ATE1: variants seen among roughly 807,000 people sequenced by gnomAD.
The protein encoded by ATE1 is arginyltransferase 1, also known as arginyl-tRNA--protein transferase 1.
ATE1 carries 36 observed loss-of-function variants against 70.5 expected under a neutral mutation model. The observed-to-expected ratio is 0.51, with a 90% CI of 0.39 to 0.67. The LOEUF (loss-of-function observed/expected upper bound fraction) is 0.67. Among genes scored for constraint, ATE1 ranks in the 30% least tolerant of loss-of-function variants. The pLI, the probability that ATE1 is intolerant of heterozygous loss-of-function variation, is 0.00. For missense variants in ATE1, 593 were observed against 629.5 expected (o/e 0.94, Z 0.62); for synonymous variants, 232 against 219.3 (o/e 1.06, Z -0.51).
chr10:121,785,242 T>A (rs1946157976), intron 11 of ATE1, among the ~76,000 whole-genome samples: 1 of 152,176 alleles, frequency 6.6e-6, no homozygotes, highest in South Asian at 2.1e-4. Context: ...GAATTCTGCA[T>A]CTAAAATAAT....
chr10:121,828,915 T>C (rs930843745), intron 10 of ATE1, among the ~76,000 whole-genome samples: 5 of 152,206 alleles, frequency 3.3e-5, no homozygotes. Flanking sequence ...GTGAAGAAAC[T>C]TACATGTACA....
rs150104028 is a variant in ATE1, at chr10:121,899,874, C to T, written c.934G>A (p.Glu312Lys). Residue 312 changes from glutamate to lysine, a missense_variant, in exon 7 of 12, where the codon GAA (glutamate) becomes AAA (lysine). Physicochemically the swap from Glu to Lys is moderately conservative, Grantham distance 56. Around this residue, in one of 3 missense-constraint regions of ATE1, gnomAD observed 467 missense variants for 469.6 expected, o/e 0.99. Transcript: ENST00000224652. ...ACACTTGGCCTGCTGACCTGGCTTT[C>T]GGTTGGCGTATCAGGTGGGTTCTTG... ...IHKNPPDTPT[E>K]SQFTRFLCSS... The T allele has an allele frequency of 7.4e-5, 120 of 1,611,892 alleles. No homozygotes were observed. Among genetic ancestry groups the T allele is most frequent in the Non-Finnish European group, 9.6e-5 (113 of 1,178,836 alleles).
At chr10:121,752,089 A>C (rs1329682082) in intron 11 of ATE1, among the ~76,000 whole-genome samples, 3 of 150,542 alleles carry the variant, frequency 2.0e-5, no homozygotes, top group African/African-American at 7.3e-5. Context: ...CCCAGCTACT[A>C]GGGAGGCTGA....
intron 8 of ATE1, among the ~76,000 whole-genome samples, chr10:121,847,330 C>T (rs1398287814): frequency 1.3e-5 from 2 of 152,002 alleles, no homozygotes; most frequent in Non-Finnish European, 1.5e-5. Context: ...TACCTGTAAT[C>T]CCAGTTACTC....
At chr10:121,813,935 C>A (rs1947428832) in intron 10 of ATE1, among the ~76,000 whole-genome samples, 1 of 152,178 alleles carries the variant, frequency 6.6e-6, no homozygotes, top group South Asian at 2.1e-4. Flanking sequence ...GCCTACAATT[C>A]AAAACTTCTC....
chr10:121,857,721 G>GT (rs1949298966), intron 8 of ATE1, among the ~76,000 whole-genome samples: 1 of 152,166 alleles, frequency 6.6e-6, no homozygotes, highest in Non-Finnish European at 1.5e-5. Context: ...TTAACAATTT[G>GT]TAAGTGTACA....
intron 10 of ATE1, among the ~76,000 whole-genome samples, chr10:121,804,703 G>A (rs538563232): frequency 6.6e-5 from 10 of 151,662 alleles, no homozygotes; most frequent in South Asian, 6.3e-4. Flanking sequence ...AATGTGGTAC[G>A]CAGCACACAT....
At chr10:121,872,767 A>G (rs951442845) in intron 7 of ATE1, among the ~76,000 whole-genome samples, 1 of 151,920 alleles carries the variant, frequency 6.6e-6, no homozygotes, top group Admixed American at 6.6e-5. Context: ...TAAAAAGTAA[A>G]GTCTATTGAA....
At chr10:121,866,290 G>A (rs1338279617) in intron 8 of ATE1, among the ~76,000 whole-genome samples, 1 of 152,062 alleles carries the variant, frequency 6.6e-6, no homozygotes, top group East Asian at 1.9e-4. Flanking sequence ...TCAACAGAAA[G>A]CCCTCAAAAT....
rs1487307480 is a variant in ATE1, at chr10:121,899,865, C to A, written c.942+1G>T. The A allele has an allele frequency of 6.2e-7, 1 of 1,611,864 alleles. No individual in the cohort carries two copies. Among genetic ancestry groups the A allele is most frequent in the Admixed American group, 1.7e-5 (1 of 59,656 alleles). The stretch of plus-strand genomic sequence containing the variant: ...AGGAAAATTACACTTGGCCTGCTGA[C>A]CTGGCTTTCGGTTGGCGTATCAGGT... On this transcript the variant is annotated splice_donor_variant, in intron 7 of 11. Transcript: ENST00000224652. LOFTEE classifies it high-confidence loss of function.
chr10:121,892,994 G>A (rs1334856443), intron 7 of ATE1, among the ~76,000 whole-genome samples: 2 of 152,062 alleles, frequency 1.3e-5, no homozygotes, highest in African/African-American at 4.8e-5. Flanking sequence ...AAAAGCAATT[G>A]TAGGCCGGGC....
chr10:121,748,268 T>A (rs1944444944), intron 11 of ATE1, among the ~76,000 whole-genome samples: 1 of 152,152 alleles, frequency 6.6e-6, no homozygotes, highest in Non-Finnish European at 1.5e-5. Context: ...TAAAATGTCA[T>A]CCTTTAATTT....
chr10:121,878,029 C>T (rs997705254), intron 7 of ATE1, among the ~76,000 whole-genome samples: 2 of 152,298 alleles, frequency 1.3e-5, no homozygotes, highest in Admixed American at 6.5e-5. Context: ...TGTATCCACA[C>T]AATGGAATAC....
intron 10 of ATE1, among the ~76,000 whole-genome samples, chr10:121,813,458 T>C (rs886436600): frequency 2.6e-5 from 4 of 152,172 alleles, no homozygotes; most frequent in Non-Finnish European, 4.4e-5. Flanking sequence ...CCCTAGTGGA[T>C]AGAGAAAAAG....
chr10:121,798,840 AGT>A lies in ATE1; in HGVS notation c.1258-8553_1258-8552del, dbSNP rs548246210. Among the ~76,000 whole-genome samples, 1,091 of 151,462 alleles carry A rather than the reference AGT, an allele frequency of 7.2e-3. 2 individuals are homozygous for A. The highest frequency in any genetic ancestry group is 0.015 in the South Asian group (73 of 4,776). On this transcript the variant is annotated intron_variant, in intron 10 of 11. Transcript: ENST00000224652. ...CCTGAACCCAGAAGGTGGAGTTTGT[AGT>A]GAGCCAAGATCGTGCCACTGCATTC...
intron 3 of ATE1, 87 bp from the exon 4 acceptor site, chr10:121,913,980 C>T: frequency 2.2e-6 from 2 of 925,016 alleles, no homozygotes; most frequent in Non-Finnish European, 3.2e-6. Flanking sequence ...TACAATGAGA[C>T]CATCTCATGC....
chr10:121,804,326 G>A (rs1554896596), intron 10 of ATE1, among the ~76,000 whole-genome samples: 1 of 152,076 alleles, frequency 6.6e-6, no homozygotes, highest in Non-Finnish European at 1.5e-5. Context: ...CTTCTACAAT[G>A]GCACCTATCT....
chr10:121,922,646 G>C (rs1951927465), intron 2 of ATE1, among the ~76,000 whole-genome samples: 1 of 152,042 alleles, frequency 6.6e-6, no homozygotes, highest in South Asian at 2.1e-4. Flanking sequence ...AATCATCTCA[G>C]TTCCCCTCTC....
At chr10:121,769,844 A>G (rs745477760) in intron 11 of ATE1, among the ~76,000 whole-genome samples, 47 of 152,342 alleles carry the variant, frequency 3.1e-4, no homozygotes, top group Non-Finnish European at 6.6e-4. Context: ...AGCTAAAATA[A>G]AAGGAGTAAC....
Sources: gnomAD v4.1 joint callset for allele counts (sites outside exome capture counted in the v4.1 genomes callset) on GRCh38, gnomAD v4.1.1 for gene constraint, gnomAD v4.1.1 regional missense constraint, MANE v1.5 for transcripts, NCBI Gene and HGNC (gene_info 2026-07-23, HGNC 2026-07-21) for gene names.